Variants in ARRB1 observed in about 807,000 individuals in gnomAD.
ARRB1 encodes the protein arrestin beta 1.
ARRB1 carries 21 observed loss-of-function variants against 56.8 expected under a neutral mutation model. The observed-to-expected ratio is 0.37, with a 90% CI of 0.26 to 0.53. The LOEUF is 0.53. ARRB1 is among the 20% of genes least tolerant of loss of function. The pLI is 0.88. For missense variants in ARRB1, 424 were observed against 553.7 expected (o/e 0.77, Z 2.35); for synonymous variants, 210 against 218.6 (o/e 0.96, Z 0.35).
intron 1 of ARRB1, among the ~76,000 whole-genome samples, chr11:75,342,946 G>A (rs1947713380): frequency 6.6e-6 from 1 of 152,142 alleles, no homozygotes. Flanking sequence ...TAATTCCTAT[G>A]GCTCTGGGCT....
chr11:75,314,609 C>T (rs544707483), intron 1 of ARRB1, among the ~76,000 whole-genome samples: 41 of 148,400 alleles, frequency 2.8e-4, no homozygotes, highest in African/African-American at 4.2e-4. Context: ...AACAACAGCA[C>T]GTTTTTTTTT....
In ARRB1 at chr11:75,281,967, C is replaced by T. The variant is rs1203153470; in HGVS notation, c.409G>A (p.Gly137Arg). The T allele has an allele frequency of 1.9e-6, 3 of 1,614,132 alleles. No individual in the cohort carries two copies. The highest frequency in any genetic ancestry group is 2.5e-6 in the Non-Finnish European group (3 of 1,180,002). The change falls in exon 6 of 16, where the codon GGG becomes AGG. Residue 137 changes from glycine (G) to arginine (R), a missense_variant. Around this residue, in one of 3 missense-constraint regions of ARRB1, gnomAD observed 301 missense variants for 387.9 expected, o/e 0.78. Coordinates refer to ENST00000420843, the MANE Select transcript of ARRB1 (RefSeq NM_004041.5). ...VTLQPGPEDTGKACGVDYEVK... is the reference protein window; with the variant it reads ...VTLQPGPEDTRKACGVDYEVK... The stretch of plus-strand genomic sequence containing the variant: ...GTCCCCTTGGGGTGACCTACCTTCC[C>T]CGTGTCTTCGGGCCCCGGCTGCAGT...
chr11:75,301,012 T>A (rs1227469448), intron 1 of ARRB1, among the ~76,000 whole-genome samples: 1 of 141,674 alleles, frequency 7.1e-6, no homozygotes, highest in Non-Finnish European at 1.5e-5. Context: ...GGCATGGTCG[T>A]GGGCGCCTGT....
At chr11:75,324,353 G>GGTGA (rs1358695249) in intron 1 of ARRB1, among the ~76,000 whole-genome samples, 1 of 152,126 alleles carries the variant, frequency 6.6e-6, no homozygotes, top group Non-Finnish European at 1.5e-5. Context: ...AGCACTTCCT[G>GGTGA]GTGAATGAAT....
chr11:75,305,616 G>T (rs1333473040), intron 1 of ARRB1, among the ~76,000 whole-genome samples: 2 of 152,060 alleles, frequency 1.3e-5, no homozygotes, highest in Non-Finnish European at 2.9e-5. Context: ...GCACACTGTT[G>T]GGTGTAACCC....
intron 1 of ARRB1, among the ~76,000 whole-genome samples, chr11:75,351,129 T>C (rs1369059068): frequency 6.6e-6 from 1 of 152,112 alleles, no homozygotes; most frequent in Non-Finnish European, 1.5e-5. Context: ...TTGGTGTGTG[T>C]TGGATTGTGA....
chr11:75,288,912 ATGCTAC>A (rs1336729185), intron 2 of ARRB1, among the ~76,000 whole-genome samples: 3 of 152,166 alleles, frequency 2.0e-5, no homozygotes, highest in Non-Finnish European at 4.4e-5. Flanking sequence ...AAATCTAACC[ATGCTAC>A]TGCCGCCTGA....
At chr11:75,312,000 T>C in intron 1 of ARRB1, 1 of 1,275,784 alleles carries the variant, frequency 7.8e-7, no homozygotes, top group Non-Finnish European at 1.0e-6. Context: ...AAGCTGACCG[T>C]TCTCGAAGGC....
In ARRB1 at chr11:75,283,367, C is replaced by A; in HGVS notation, c.274G>T (p.Glu92Ter). ...ANVQSFPPAP[E>*]DKKPLTRLQE... ...AGCCGCGTCAGGGGCTTCTTGTCCT[C>A]GGGGGCCGGTGGGAACGACTGTACG... is the stretch of plus-strand genomic sequence containing the variant. Residue 92 changes from glutamate (E) to a stop codon, truncating the protein, a stop_gained, in exon 5 of 16, where the codon GAG becomes TAG. Transcript: ENST00000420843. LOFTEE classifies it high-confidence loss of function. 6.2e-7 allele frequency: 1 copy of A among 1,614,132 alleles called. No individual in the cohort carries two copies. Among genetic ancestry groups the A allele is most frequent in the South Asian group, 1.1e-5 (1 of 91,080 alleles).
At chr11:75,297,574 C>T (rs1483370582) in intron 1 of ARRB1, among the ~76,000 whole-genome samples, 1 of 151,948 alleles carries the variant, frequency 6.6e-6, no homozygotes, top group Non-Finnish European at 1.5e-5. Flanking sequence ...CAAAAATTAA[C>T]TCAAATGGGG....
chr11:75,272,350 C>T (rs927384072), intron 12 of ARRB1, among the ~76,000 whole-genome samples: 7 of 152,184 alleles, frequency 4.6e-5, no homozygotes, highest in African/African-American at 1.7e-4. Flanking sequence ...CAGTCTGGTC[C>T]ACCACTATGA....
At chr11:75,307,460 T>C (rs943761471) in intron 1 of ARRB1, among the ~76,000 whole-genome samples, 2 of 152,052 alleles carry the variant, frequency 1.3e-5, no homozygotes, top group African/African-American at 4.8e-5. Flanking sequence ...GGCACACAGC[T>C]CCTACAGAAC....
chr11:75,273,973 G>T, intron 11 of ARRB1, 101 bp downstream of exon 11: 5 of 1,550,132 alleles, frequency 3.2e-6, no homozygotes, highest in Non-Finnish European at 4.4e-6. Flanking sequence ...CTATGGAGAG[G>T]GTAGCCTGAG....
chr11:75,300,802 TA>T (rs1565126543), intron 1 of ARRB1, among the ~76,000 whole-genome samples: 1 of 150,622 alleles, frequency 6.6e-6, no homozygotes. Flanking sequence ...CCGTCTCTAC[TA>T]AAAAACACAA....
chr11:75,329,240 A>G (rs899049559), intron 1 of ARRB1, among the ~76,000 whole-genome samples: 1 of 151,990 alleles, frequency 6.6e-6, no homozygotes, highest in Admixed American at 6.6e-5. Context: ...AGCTGGAACT[A>G]TAGGCACGCA....
chr11:75,338,287 C>G (rs147623751), intron 1 of ARRB1, among the ~76,000 whole-genome samples: 2,641 of 152,194 alleles, frequency 0.017, 34 homozygotes, highest in Middle Eastern at 0.095. Flanking sequence ...TGGGACTGAG[C>G]AGAAAGACAG....
chr11:75,279,832 T>G (rs964301347), intron 7 of ARRB1, among the ~76,000 whole-genome samples: 1 of 152,092 alleles, frequency 6.6e-6, no homozygotes, highest in African/African-American at 2.4e-5. Flanking sequence ...CACACCTGCC[T>G]AATTTTTGTA....
chr11:75,306,414 G>A (rs564003169), intron 1 of ARRB1: 1 of 469,142 alleles, frequency 2.1e-6, no homozygotes, highest in East Asian at 6.9e-5. Flanking sequence ...TCCTCCCTGT[G>A]TTCTCCATCC....
rs531038440 is a variant in ARRB1 at position 75,345,319 on chromosome 11, G to A, written c.20+6269C>T. ...CCTGCCAGGGCCCCTTAGGGAAGGC[G>A]GGAGGGGGCTGGGACAACAGAGTCC... On this transcript the variant is annotated intron_variant, in intron 1 of 15. Coordinates refer to ENST00000420843, the MANE Select transcript of ARRB1 (RefSeq NM_004041.5). Among the ~76,000 whole-genome samples, 14 of 152,138 alleles carry A rather than the reference G, an allele frequency of 9.2e-5. 1 individual carries two copies. The highest frequency in any genetic ancestry group is 3.1e-4 in the African/African-American group (13 of 41,506).
Sources: gnomAD v4.1 joint callset for allele counts (sites outside exome capture counted in the v4.1 genomes callset) on GRCh38, gnomAD v4.1.1 for gene constraint, gnomAD v4.1.1 regional missense constraint, MANE v1.5 for transcripts, NCBI Gene and HGNC (gene_info 2026-07-23, HGNC 2026-07-21) for gene names.